Variants in MIS18A observed in about 807,000 individuals in gnomAD.
The protein encoded by MIS18A is protein Mis18-alpha.
Under a neutral mutation model 25.0 loss-of-function variants are expected in MIS18A, and 14 were observed. The observed-to-expected ratio is 0.56, with a 90% CI of 0.37 to 0.88. MIS18A has a LOEUF of 0.88. MIS18A is among the 40% of genes least tolerant of loss of function. MIS18A has a pLI of 0.00. For synonymous variants in MIS18A, 134 were observed against 118.6 expected (o/e 1.13, Z -0.84); for missense variants, 292 against 290.8 (o/e 1.00, Z -0.03).
At chr21:32,219,467 G>A in the MIS18A span, among the ~76,000 whole-genome samples, 12 of 152,138 alleles carry the variant, frequency 7.9e-5, no homozygotes, top group East Asian at 3.9e-4. Context: ...CTTTTCCCAC[G>A]GTCTTCACAA....
At chr21:32,259,079 G>A in the MIS18A span, among the ~76,000 whole-genome samples, 2 of 152,014 alleles carry the variant, frequency 1.3e-5, no homozygotes, top group African/African-American at 4.8e-5. Context: ...TTGCTATGTC[G>A]CCCAGGCCAG....
the MIS18A span, among the ~76,000 whole-genome samples, chr21:32,244,212 C>T: frequency 6.6e-6 from 1 of 152,082 alleles, no homozygotes; most frequent in Non-Finnish European, 1.5e-5. Flanking sequence ...AAAGGAAAAA[C>T]CATAGCGACA....
At chr21:32,227,951 T>C in the MIS18A span, among the ~76,000 whole-genome samples, 1 of 152,210 alleles carries the variant, frequency 6.6e-6, no homozygotes, top group Non-Finnish European at 1.5e-5. Context: ...CACATGGTCA[T>C]CTCAGTAGAC....
chr21:32,224,873 A>G, the MIS18A span, among the ~76,000 whole-genome samples: 1 of 142,854 alleles, frequency 7.0e-6, no homozygotes, highest in African/African-American at 2.6e-5. Context: ...ACCTGACTTC[A>G]AACTATACTA....
At chr21:32,277,386 AAAACATGT>A (rs1201222361) in intron 1 of MIS18A, among the ~76,000 whole-genome samples, 1 of 152,258 alleles carries the variant, frequency 6.6e-6, no homozygotes, top group Admixed American at 6.5e-5. Flanking sequence ...TTATTCCTTA[AAAACATGT>A]AAACAAGGGA....
the MIS18A span, among the ~76,000 whole-genome samples, chr21:32,219,249 T>C: frequency 6.6e-6 from 1 of 152,148 alleles, no homozygotes; most frequent in Non-Finnish European, 1.5e-5. Flanking sequence ...AGAAGGCAGA[T>C]GATTTCTGCA....
the MIS18A span, among the ~76,000 whole-genome samples, chr21:32,262,198 TA>T: frequency 1.3e-5 from 2 of 152,192 alleles, no homozygotes; most frequent in East Asian, 3.9e-4. Flanking sequence ...GGTAGTAACA[TA>T]CATGGAGCCC....
At chr21:32,157,001 C>T in the MIS18A span, among the ~76,000 whole-genome samples, 1 of 151,240 alleles carries the variant, frequency 6.6e-6, no homozygotes, top group Non-Finnish European at 1.5e-5. Flanking sequence ...GCAAACAGAA[C>T]TTATATGGCC....
At position 32,270,482 on chromosome 21, in the gene MIS18A, T is replaced by C. The variant is rs754580649; in HGVS notation, c.449A>G (p.Tyr150Cys). ...CCAGCSLNLG[Y>C]VYRCTPKNLD... ...ATTCTTGGGCGTGCATCTGTACACG[T>C]AGCCAAGATTGAGTGAGCACCCCGC... The change falls in exon 3 of 5, where the codon TAC becomes TGC. Residue 150 changes from tyrosine (Y) to cysteine (C), a missense_variant. By Grantham distance (194) the Tyr-to-Cys change is radical. Transcript: ENST00000290130. 1.3e-5 allele frequency: 21 copies of C among 1,608,762 alleles called. No homozygotes were observed. The highest frequency in any genetic ancestry group is 4.0e-5 in the African/African-American group (3 of 74,450).
At chr21:32,178,490 C>T in the MIS18A span, among the ~76,000 whole-genome samples, 4 of 152,150 alleles carry the variant, frequency 2.6e-5, no homozygotes, top group South Asian at 8.3e-4. Context: ...TAATAAATGT[C>T]TACTTACTAA....
At chr21:32,222,368 T>C in the MIS18A span, among the ~76,000 whole-genome samples, 1 of 152,108 alleles carries the variant, frequency 6.6e-6, no homozygotes, top group Non-Finnish European at 1.5e-5. Flanking sequence ...CCACTAACAA[T>C]ATTAGACAGA....
chr21:32,192,354 C>T, the MIS18A span, among the ~76,000 whole-genome samples: 11 of 152,312 alleles, frequency 7.2e-5, no homozygotes, highest in Admixed American at 4.6e-4. Context: ...CGCGTGGCTG[C>T]GTCTCCCCTC....
chr21:32,232,096 T>A, the MIS18A span, among the ~76,000 whole-genome samples: 1 of 152,196 alleles, frequency 6.6e-6, no homozygotes, highest in African/African-American at 2.4e-5. Context: ...AACAGATGAA[T>A]GGATAAAGAA....
chr21:32,263,215 A>G, the MIS18A span, among the ~76,000 whole-genome samples: 1 of 152,254 alleles, frequency 6.6e-6, no homozygotes, highest in Non-Finnish European at 1.5e-5. Flanking sequence ...CATAACATCA[A>G]CTACTTATAT....
chr21:32,160,271 A>G, the MIS18A span, among the ~76,000 whole-genome samples: 2 of 150,770 alleles, frequency 1.3e-5, no homozygotes, highest in South Asian at 2.1e-4. Context: ...TTAGTCCTCA[A>G]TAAACACCTC....
chr21:32,230,186 T>G, the MIS18A span, among the ~76,000 whole-genome samples: 3 of 152,204 alleles, frequency 2.0e-5, no homozygotes, highest in African/African-American at 7.2e-5. Flanking sequence ...CATCTTTGGA[T>G]GGCTAATTAT....
chr21:32,156,209 T>C, the MIS18A span, among the ~76,000 whole-genome samples: 3 of 152,242 alleles, frequency 2.0e-5, no homozygotes, highest in African/African-American at 4.8e-5. Flanking sequence ...ATTTAGCAGC[T>C]CCTTACAATT....
At chr21:32,247,210 A>G in the MIS18A span, among the ~76,000 whole-genome samples, 1 of 152,178 alleles carries the variant, frequency 6.6e-6, no homozygotes. Context: ...CCAAACGATG[A>G]CATCTCTTAC....
Position 32,276,330 on chromosome 21 carries a change from G to A in MIS18A, c.335-1434C>T, listed in dbSNP as rs967763851. ...AAAAAAATTAGCGGGGTGTGGTGGC[G>A]GGAGCCTGCAGTCCCAGCTACTCAG... On this transcript the variant is annotated intron_variant, in intron 1 of 4. Transcript: ENST00000290130. Among the ~76,000 whole-genome samples, 24 of 151,842 alleles carry A rather than the reference G, an allele frequency of 1.6e-4. No homozygotes were observed. In the East Asian group the frequency reaches 2.7e-3, roughly 17 times the overall value.
Sources: allele counts gnomAD v4.1 joint callset (sites outside exome capture counted in the v4.1 genomes callset), GRCh38; gene constraint gnomAD v4.1.1; transcripts MANE v1.5; gene names NCBI Gene and HGNC (gene_info 2026-07-23, HGNC 2026-07-21).